NRXN3: variants seen among roughly 807,000 people sequenced by gnomAD.
NRXN3 encodes neurexin III.
NRXN3 carries 32 observed loss-of-function variants against 137.6 expected under a neutral mutation model. The ratio of observed to expected loss-of-function variants is 0.23; its 90% confidence interval spans 0.18 to 0.31. The LOEUF (loss-of-function observed/expected upper bound fraction) is 0.31. Among genes scored for constraint, NRXN3 ranks in the 10% least tolerant of loss-of-function variants. NRXN3 has a pLI of 1.00. For synonymous variants in NRXN3, 798 were observed against 784.5 expected (o/e 1.02, Z -0.29); for missense variants, 1,574 against 2,062.5 (o/e 0.76, Z 4.59).
chr14:79,060,679 A>G (rs1420562599), intron 15 of NRXN3, among the ~76,000 whole-genome samples: 1 of 152,180 alleles, frequency 6.6e-6, no homozygotes, highest in Non-Finnish European at 1.5e-5. Context: ...TTGTGAGGGT[A>G]AGTTATTTAA....
intron 15 of NRXN3, among the ~76,000 whole-genome samples, chr14:79,373,490 T>C (rs1219884251): frequency 6.6e-6 from 1 of 152,228 alleles, no homozygotes; most frequent in Admixed American, 6.5e-5. Context: ...GAAAGCGATT[T>C]AGTTTTTTGC....
At chr14:78,254,152 G>A (rs2069113131) in intron 2 of NRXN3, among the ~76,000 whole-genome samples, 3 of 152,036 alleles carry the variant, frequency 2.0e-5, no homozygotes. Context: ...CTTAAACAGT[G>A]TGGGAGGGCT....
intron 10 of NRXN3, among the ~76,000 whole-genome samples, chr14:78,844,434 C>T (rs2152457393): frequency 6.6e-6 from 1 of 152,238 alleles, no homozygotes; most frequent in Middle Eastern, 3.4e-3. Context: ...TGCCATTCAA[C>T]TCACTAGACC....
At chr14:79,100,266 T>G (rs2051030808) in intron 15 of NRXN3, among the ~76,000 whole-genome samples, 1 of 152,218 alleles carries the variant, frequency 6.6e-6, no homozygotes, top group Non-Finnish European at 1.5e-5. Flanking sequence ...ATAAGACACC[T>G]ACACATGTTC....
At chr14:79,117,885 G>A (rs1326354309) in intron 15 of NRXN3, among the ~76,000 whole-genome samples, 1 of 152,202 alleles carries the variant, frequency 6.6e-6, no homozygotes, top group Non-Finnish European at 1.5e-5. Flanking sequence ...GCTATGCTTG[G>A]AGAGGAAATG....
chr14:78,731,555 A>G (rs1039982589), intron 8 of NRXN3, among the ~76,000 whole-genome samples: 1 of 151,672 alleles, frequency 6.6e-6, no homozygotes, highest in African/African-American at 2.4e-5. Context: ...AATGGTTATT[A>G]TTAACATATC....
chr14:79,603,208 T>C (rs1477993755), intron 16 of NRXN3, among the ~76,000 whole-genome samples: 1 of 145,622 alleles, frequency 6.9e-6, no homozygotes, highest in African/African-American at 2.7e-5. Context: ...ACAGCTTTGT[T>C]TCGTTAAAAG....
rs2048459669 is a variant in NRXN3, at chr14:79,088,027, T to C, written c.3262+99886T>C. Among the ~76,000 whole-genome samples, 4 of 140,438 alleles carry C rather than the reference T, an allele frequency of 2.8e-5. No individual in the cohort carries two copies. In the South Asian group the frequency reaches 8.3e-4, roughly 29 times the overall value. The allele number at this position is 140,438 out of a possible 152,430, so 92.1% of individuals were successfully genotyped here. ...ATTGGAAATTGCTCAAAGCTCACAA[T>C]GGTACTTGAAGTAAAAGGATGAACC... On this transcript the variant is annotated intron_variant, in intron 15 of 20. Transcript: ENST00000335750.
chr14:78,504,342 C>A (rs2095939814), intron 4 of NRXN3, among the ~76,000 whole-genome samples: 2 of 152,198 alleles, frequency 1.3e-5, no homozygotes, highest in Non-Finnish European at 2.9e-5. Context: ...TATTGACTGA[C>A]ATTAGCAGAG....
intron 1 of NRXN3, among the ~76,000 whole-genome samples, chr14:78,238,138 A>AG (rs2066565130): frequency 1.3e-5 from 1 of 78,852 alleles, no homozygotes; most frequent in Admixed American, 1.1e-4. Flanking sequence ...GAGTTGTGTG[A>AG]GCCCCCCCCA....
intron 4 of NRXN3, among the ~76,000 whole-genome samples, chr14:78,498,009 C>G (rs2095816989): frequency 6.6e-6 from 1 of 152,184 alleles, no homozygotes; most frequent in African/African-American, 2.4e-5. Flanking sequence ...TGCAGTTCAT[C>G]CAGCAGCCTA....
intron 16 of NRXN3, among the ~76,000 whole-genome samples, chr14:79,650,614 C>T (rs1019846256): frequency 2.0e-5 from 3 of 152,190 alleles, no homozygotes; most frequent in South Asian, 2.1e-4. Flanking sequence ...ACCAAAGTAT[C>T]GTTTACACTC....
intron 19 of NRXN3, among the ~76,000 whole-genome samples, chr14:79,759,206 T>TAAAGA (rs2099030091): frequency 6.8e-6 from 1 of 148,016 alleles, no homozygotes; most frequent in African/African-American, 2.7e-5. Context: ...CAGAACTTCT[T>TAAAGA]GTTATAACTG....
At chr14:78,472,160 T>C (rs1405351008) in intron 4 of NRXN3, among the ~76,000 whole-genome samples, 1 of 152,194 alleles carries the variant, frequency 6.6e-6, no homozygotes, top group Non-Finnish European at 1.5e-5. Context: ...TAAGTTCCCC[T>C]CAGTGTTGGA....
At chr14:79,159,704 C>T (rs2060580083) in intron 15 of NRXN3, among the ~76,000 whole-genome samples, 1 of 151,766 alleles carries the variant, frequency 6.6e-6, no homozygotes, top group Non-Finnish European at 1.5e-5. Context: ...ACCCAAGCTT[C>T]ACCATAAATT....
At chr14:78,695,155 T>C (rs2098213775) in intron 6 of NRXN3, among the ~76,000 whole-genome samples, 1 of 151,904 alleles carries the variant, frequency 6.6e-6, no homozygotes, top group Non-Finnish European at 1.5e-5. Context: ...TCACATCATC[T>C]CTCTGTCTGT....
intron 19 of NRXN3, among the ~76,000 whole-genome samples, chr14:79,737,435 T>A (rs561124906): frequency 1.3e-5 from 2 of 152,324 alleles, no homozygotes; most frequent in East Asian, 3.9e-4. Context: ...GTCCTCTTTT[T>A]AGTAAAATGA....
In NRXN3 at chr14:78,715,012, T is replaced by C; in HGVS notation, c.1917T>C (p.Cys639=). ...MQNAAGVKSS[C]SRMSAKQCDS... ...ATGCTGCGGGTGTCAAGTCCTCCTG[T>C]TCACGGATGAGTGCCAAGCAGTGTG... The change falls in exon 8 of 21, where the codon TGT becomes TGC. Residue 639 remains cysteine, a synonymous_variant. Transcript: ENST00000335750. 6.2e-7 allele frequency: 1 copy of C among 1,614,112 alleles called. No homozygotes were observed. Among genetic ancestry groups the C allele is most frequent in the Non-Finnish European group, 8.5e-7 (1 of 1,180,024 alleles).
In NRXN3 at chr14:78,356,849, C is replaced by T. The variant is rs146219166; in HGVS notation, c.757+58989C>T. ...ACTCAGCAAAAAAGGGAAATTGGTG[C>T]CATAGGGCAGGTGTCTTTCTGGAAG... On this transcript the variant is annotated intron_variant, in intron 4 of 20. Coordinates refer to ENST00000335750, the MANE Select transcript of NRXN3 (RefSeq NM_001330195.2). Among the ~76,000 whole-genome samples, 142 of 152,118 alleles carry T rather than the reference C, an allele frequency of 9.3e-4. 1 individual carries two copies. The Middle Eastern group carries it at 0.02, about 22-fold the overall frequency.
Sources: gnomAD v4.1 joint callset for allele counts (sites outside exome capture counted in the v4.1 genomes callset) on GRCh38, gnomAD v4.1.1 for gene constraint, MANE v1.5 for transcripts, NCBI Gene and HGNC (gene_info 2026-07-23, HGNC 2026-07-21) for gene names.